The following TRIP12 variants were observed in gnomAD, a reference collection of about 807,000 sequenced individuals.
TRIP12 encodes the protein thyroid hormone receptor interactor 12.
TRIP12 carries 25 observed loss-of-function variants against 244.2 expected under a neutral mutation model. That is an observed-to-expected ratio of 0.10 (90% CI 0.07 to 0.14). The LOEUF (loss-of-function observed/expected upper bound fraction) is 0.14. Ranked by LOEUF, TRIP12 falls within the 10% of genes least tolerant of loss-of-function variation. TRIP12 has a pLI of 1.00. For missense variants in TRIP12, 1,677 were observed against 2,486.4 expected, an observed-to-expected ratio of 0.67 and a Z score of 6.92; for synonymous variants, 905 against 873.1, an observed-to-expected ratio of 1.04 and a Z score of -0.64.
intron 1 of TRIP12, among the ~76,000 whole-genome samples, chr2:229,919,984 T>C (rs1190525046): frequency 2.0e-5 from 3 of 152,246 alleles, no homozygotes; most frequent in African/African-American, 7.2e-5. Context: ...TCACTTTGCA[T>C]GTGGTAAATA....
At chr2:229,922,486 G>C (rs946877122), upstream of TRIP12, 1 of 1,613,152 alleles carries the variant, frequency 6.2e-7, no homozygotes. Flanking sequence ...CTTCCTGGTT[G>C]TCTTAGCGAC....
chr2:229,864,047 A>AGAGAGAGAGAGAGAGAGTGTGT, intron 2 of TRIP12, among the ~76,000 whole-genome samples: 138 of 79,232 alleles, frequency 1.7e-3, no homozygotes, highest in East Asian at 4.4e-3. Flanking sequence ...AGAGAGAGAG[A>AGAGAGAGAGAGAGAGAGTGTGT]GTGTGTGTGT....
Position 229,778,953 on chromosome 2 carries a change from G to A in TRIP12, c.5132C>T (p.Ala1711Val), listed in dbSNP as rs760464594. Residue 1711 changes from alanine (A) to valine (V), a missense_variant, in exon 35 of 42, where the codon GCG becomes GTG. Around this residue, in one of 11 missense-constraint regions of TRIP12, gnomAD observed 5 missense variants for 40.0 expected, o/e 0.13. Coordinates refer to ENST00000675903, the MANE Select transcript of TRIP12 (RefSeq NM_001348323.3). The surrounding 1 kb of genome is among the most constrained non-coding windows in gnomAD (Gnocchi z 4.1). ...TCTCTGTAGTTCCTGAGATACAAGC[G>A]CATAAAACTCCAGTGTAGGCCCAAG... Reference protein sequence around the residue: ...TGLGPTLEFYALVSQELQRAD... With the variant: ...TGLGPTLEFYVLVSQELQRAD... 1.2e-6 allele frequency: 2 copies of A among 1,613,860 alleles called. No homozygotes were observed. Among genetic ancestry groups the A allele is most frequent in the Non-Finnish European group, 1.7e-6 (2 of 1,179,810 alleles).
intron 31 of TRIP12, among the ~76,000 whole-genome samples, 181 bp downstream of exon 31, chr2:229,789,430 A>C (rs1298359892): frequency 6.6e-6 from 1 of 152,242 alleles, no homozygotes; most frequent in East Asian, 1.9e-4. Flanking sequence ...CAAGAGAATT[A>C]ATCTAAGACT....
intron 2 of TRIP12, among the ~76,000 whole-genome samples, chr2:229,866,432 T>G (rs140357413): frequency 6.6e-6 from 1 of 152,366 alleles, no homozygotes; most frequent in East Asian, 1.9e-4. Flanking sequence ...ATTTTTGTTA[T>G]CAACTATTTT....
intron 1 of TRIP12, among the ~76,000 whole-genome samples, chr2:229,914,163 C>T (rs962498773): frequency 4.6e-5 from 7 of 151,976 alleles, no homozygotes; most frequent in Non-Finnish European, 1.0e-4. Flanking sequence ...CGGGATCGCA[C>T]CACTGCACTC....
intron 8 of TRIP12, among the ~76,000 whole-genome samples, chr2:229,825,987 T>C (rs1001775695): frequency 1.4e-4 from 21 of 152,050 alleles, no homozygotes; most frequent in Non-Finnish European, 2.6e-4. Context: ...AAAACAAACA[T>C]GTTAAAAAGC....
upstream of TRIP12, chr2:229,922,456 A>C (rs1577308074): frequency 6.4e-7 from 1 of 1,561,862 alleles, no homozygotes; most frequent in South Asian, 1.1e-5. Context: ...TGGCCCCTTG[A>C]CCCCAACCAA....
intron 1 of TRIP12, among the ~76,000 whole-genome samples, chr2:229,907,992 A>G (rs189666364): frequency 6.6e-6 from 1 of 152,162 alleles, no homozygotes; most frequent in Admixed American, 6.5e-5. Flanking sequence ...AGGTTATTCA[A>G]CTAGTAATGT....
rs190658819 is a variant in TRIP12 at position 229,815,708 on chromosome 2, C to T, written c.1600-400G>A. On this transcript the variant is annotated intron_variant, in intron 9 of 41. Coordinates refer to ENST00000675903, the MANE Select transcript of TRIP12 (RefSeq NM_001348323.3). ...TCAGCAATGCACTGACATTTGTTAACAAATGTCAGCACAGATTCAGGACCA... is the reference window on the plus strand; with the variant it reads ...TCAGCAATGCACTGACATTTGTTAATAAATGTCAGCACAGATTCAGGACCA... Among the ~76,000 whole-genome samples the T allele has an allele frequency of 1.4e-4, 21 of 151,760 alleles. No homozygotes were observed. The East Asian group carries it at 4.1e-3, about 29-fold the overall frequency.
intron 26 of TRIP12, among the ~76,000 whole-genome samples, chr2:229,793,759 T>C (rs1370629191): frequency 1.3e-5 from 2 of 152,156 alleles, no homozygotes; most frequent in Non-Finnish European, 2.9e-5. Context: ...AGCAAGCTTG[T>C]CCAACCTGCG....
chr2:229,897,521 G>A (rs1253701526), intron 1 of TRIP12, among the ~76,000 whole-genome samples: 1 of 152,126 alleles, frequency 6.6e-6, no homozygotes, highest in Admixed American at 6.5e-5. Flanking sequence ...GGTGGCATGC[G>A]CCTGTAATCC....
chr2:229,850,866 C>T (rs1371702749), intron 4 of TRIP12, among the ~76,000 whole-genome samples: 1 of 152,254 alleles, frequency 6.6e-6, no homozygotes, highest in Non-Finnish European at 1.5e-5. Flanking sequence ...CCCGGGCCAG[C>T]GGCTGCGGAG....
At chr2:229,785,440 T>C (rs2039719938) in intron 34 of TRIP12, among the ~76,000 whole-genome samples, 1 of 152,242 alleles carries the variant, frequency 6.6e-6, no homozygotes, top group Non-Finnish European at 1.5e-5. Context: ...GCAGTTATTA[T>C]TTATATCTCA....
intron 8 of TRIP12, among the ~76,000 whole-genome samples, chr2:229,822,891 T>C (rs1047716986): frequency 6.6e-5 from 10 of 152,166 alleles, no homozygotes. Context: ...CAAAAAACTA[T>C]TCAGAACTGA....
intron 1 of TRIP12, among the ~76,000 whole-genome samples, chr2:229,911,713 T>C (rs2074312728): frequency 6.6e-6 from 1 of 152,210 alleles, no homozygotes. Context: ...ATATTATGTG[T>C]CAAAATAAAA....
chr2:229,853,381 C>A (rs751749470), intron 4 of TRIP12, among the ~76,000 whole-genome samples: 34 of 152,146 alleles, frequency 2.2e-4, no homozygotes, highest in Non-Finnish European at 4.4e-4. Context: ...AAACAAAAAA[C>A]CCTGATGCAT....
intron 4 of TRIP12, among the ~76,000 whole-genome samples, chr2:229,844,093 C>T (rs776577403): frequency 4.8e-4 from 73 of 152,212 alleles, no homozygotes; most frequent in Non-Finnish European, 9.9e-4. Flanking sequence ...ATTTTTAAAA[C>T]AACATTGTAA....
At chr2:229,815,786 C>T (rs1259157007) in intron 9 of TRIP12, among the ~76,000 whole-genome samples, 2 of 152,094 alleles carry the variant, frequency 1.3e-5, no homozygotes, top group African/African-American at 4.8e-5. Context: ...CACCATTTGA[C>T]TCAGCTTTAA....
Sources: allele counts gnomAD v4.1 joint callset (sites outside exome capture counted in the v4.1 genomes callset), GRCh38; gene constraint gnomAD v4.1.1; regional missense constraint gnomAD v4.1.1; non-coding constraint Gnocchi (gnomAD v3.1); transcripts MANE v1.5; gene names NCBI Gene and HGNC (gene_info 2026-07-23, HGNC 2026-07-21).